TNKS: variants seen among roughly 807,000 people sequenced by gnomAD.
TNKS encodes tankyrase.
Under a neutral mutation model 135.8 loss-of-function variants are expected in TNKS, and 72 were observed. That is an observed-to-expected ratio of 0.53 (90% CI 0.44 to 0.64). TNKS has a LOEUF of 0.64. Ranked by LOEUF, TNKS falls within the 30% of genes least tolerant of loss-of-function variation. TNKS has a pLI of 0.00. For missense variants in TNKS, 1,769 were observed against 1,674.0 expected (o/e 1.06, Z -0.99); for synonymous variants, 849 against 649.3 (o/e 1.31, Z -4.68).
chr8:9,770,044 C>T (rs958731512), intron 25 of TNKS, 62 bp from the exon 26 acceptor site: 6 of 1,437,242 alleles, frequency 4.2e-6, no homozygotes, highest in South Asian at 4.0e-5. Context: ...ATAGATCTAG[C>T]AGTTATATTA....
At chr8:9,706,114 T>C in intron 6 of TNKS, 73 bp from the exon 7 acceptor site, 3 of 1,030,652 alleles carry the variant, frequency 2.9e-6, no homozygotes, top group Admixed American at 5.6e-5. Context: ...TTATTGGATT[T>C]TATTTCTTAG....
chr8:9,751,135 G>A (rs940773859), intron 18 of TNKS, among the ~76,000 whole-genome samples: 12 of 152,184 alleles, frequency 7.9e-5, no homozygotes, highest in Non-Finnish European at 1.6e-4. Context: ...TGTCTTTGGA[G>A]ACTATCTCCC....
chr8:9,566,764 G>A lies in TNKS; in HGVS notation c.673+10152G>A, dbSNP rs373130682. Among the ~76,000 whole-genome samples, 27 of 150,396 alleles carry A rather than the reference G, an allele frequency of 1.8e-4. 1 individual carries two copies. Among genetic ancestry groups the A allele is most frequent in the South Asian group, 1.1e-3 (5 of 4,732 alleles). On this transcript the variant is annotated intron_variant, in intron 1 of 26. Coordinates refer to ENST00000310430, the MANE Select transcript of TNKS (RefSeq NM_003747.3). ...GCTGGGACTACAGGCGCCCGCCACC[G>A]CGCCCGGCTAATTTTTTGTATTTTT...
chr8:9,705,983 C>G (rs1330198743), intron 6 of TNKS, among the ~76,000 whole-genome samples: 11 of 151,942 alleles, frequency 7.2e-5, no homozygotes, highest in African/African-American at 2.7e-4. Context: ...TTTTCATTAT[C>G]TTCAAGGATT....
intron 15 of TNKS, among the ~76,000 whole-genome samples, chr8:9,734,376 G>A (rs1164632320): frequency 6.6e-6 from 1 of 152,074 alleles, no homozygotes; most frequent in Non-Finnish European, 1.5e-5. Context: ...CATGATAGAT[G>A]TTAAGACTTA....
intron 22 of TNKS, among the ~76,000 whole-genome samples, chr8:9,763,574 A>G (rs1045108272): frequency 4.0e-5 from 6 of 151,506 alleles, no homozygotes; most frequent in African/African-American, 1.5e-4. Context: ...AGAATGAAAA[A>G]CTCTTGCCTC....
At chr8:9,668,685 GT>G (rs1288401553) in intron 3 of TNKS, among the ~76,000 whole-genome samples, 2 of 152,192 alleles carry the variant, frequency 1.3e-5, no homozygotes, top group Non-Finnish European at 2.9e-5. Context: ...CCATATGTTT[GT>G]GGCAAGATTT....
At chr8:9,763,267 C>G in intron 22 of TNKS, 23 bp downstream of exon 22, 3 of 1,482,948 alleles carry the variant, frequency 2.0e-6, no homozygotes, top group Non-Finnish European at 2.8e-6. Context: ...AGAAATCTTT[C>G]ATTTGCTTTT....
chr8:9,669,861 T>C (rs1207604384), intron 3 of TNKS, among the ~76,000 whole-genome samples: 3 of 152,130 alleles, frequency 2.0e-5, no homozygotes, highest in Non-Finnish European at 4.4e-5. Flanking sequence ...TTAAAGAAAA[T>C]ATTATCCAAG....
At position 9,725,465 on chromosome 8, in the gene TNKS, T is replaced by C. The variant is rs60048984; in HGVS notation, c.1922-1176T>C. 3.0e-3 allele frequency among the ~76,000 whole-genome samples: 456 copies of C among 152,356 alleles called. 1 individual carries two copies. Among genetic ancestry groups the C allele is most frequent in the African/African-American group, 0.011 (440 of 41,582 alleles). On this transcript the variant is annotated intron_variant, in intron 12 of 26. Coordinates refer to ENST00000310430, the MANE Select transcript of TNKS (RefSeq NM_003747.3). Reference sequence around the variant, plus strand: ...AAGTAGTTTATCTTTTACTGAAGAATTGTCATAACTTATTCTGTAAAAGCC... The same window carrying C: ...AAGTAGTTTATCTTTTACTGAAGAACTGTCATAACTTATTCTGTAAAAGCC...
intron 3 of TNKS, among the ~76,000 whole-genome samples, chr8:9,676,664 G>A (rs1031841556): frequency 4.2e-5 from 6 of 143,026 alleles, no homozygotes; most frequent in Non-Finnish European, 6.0e-5. Flanking sequence ...CATAAGCCTC[G>A]TATTTCTCCC....
chr8:9,663,897 C>T lies in TNKS; in HGVS notation c.995-16054C>T, dbSNP rs970905006. Among the ~76,000 whole-genome samples the T allele has an allele frequency of 2.6e-5, 4 of 152,182 alleles. No homozygotes were observed. In the East Asian group the frequency reaches 7.7e-4, roughly 29 times the overall value. On this transcript the variant is annotated intron_variant, in intron 3 of 26. Coordinates refer to ENST00000310430, the MANE Select transcript of TNKS (RefSeq NM_003747.3). ...TTCAGTAACCCAGAAACACTTTCAA[C>T]CCTGTCCCTTGGGGTTTCTCTGGAG...
intron 2 of TNKS, among the ~76,000 whole-genome samples, chr8:9,609,365 C>T (rs937886774): frequency 6.6e-6 from 1 of 152,132 alleles, no homozygotes; most frequent in Non-Finnish European, 1.5e-5. Flanking sequence ...TCGTAGACAC[C>T]CAAAGTTTCC....
chr8:9,569,669 G>A (rs1278601289), intron 1 of TNKS, among the ~76,000 whole-genome samples: 3 of 152,142 alleles, frequency 2.0e-5, no homozygotes, highest in African/African-American at 7.2e-5. Flanking sequence ...CGTCAACATT[G>A]AAAACTTTTT....
intron 3 of TNKS, among the ~76,000 whole-genome samples, chr8:9,629,583 T>C (rs1286727580): frequency 2.6e-5 from 4 of 152,244 alleles, no homozygotes; most frequent in Admixed American, 2.6e-4. Context: ...TTGGGTTCTT[T>C]TTCTACCTTT....
At chr8:9,581,389 T>G (rs1798159765) in intron 2 of TNKS, among the ~76,000 whole-genome samples, 1 of 152,182 alleles carries the variant, frequency 6.6e-6, no homozygotes, top group African/African-American at 2.4e-5. Context: ...ATCCTGTCCT[T>G]TCAGTTTTTT....
chr8:9,695,171 T>C (rs1221989683), intron 5 of TNKS, among the ~76,000 whole-genome samples: 2 of 152,204 alleles, frequency 1.3e-5, no homozygotes, highest in Admixed American at 1.3e-4. Context: ...ATGTAGTCAT[T>C]AAATTTTTGT....
chr8:9,695,525 T>G (rs1045067699), intron 5 of TNKS, among the ~76,000 whole-genome samples: 1 of 152,144 alleles, frequency 6.6e-6, no homozygotes, highest in Non-Finnish European at 1.5e-5. Flanking sequence ...CTAGAACATT[T>G]TAAACACTTC....
At chr8:9,632,721 C>G (rs993311891) in intron 3 of TNKS, among the ~76,000 whole-genome samples, 4 of 152,046 alleles carry the variant, frequency 2.6e-5, no homozygotes, top group African/African-American at 9.7e-5. Flanking sequence ...AATGATGTTA[C>G]TACTCTATAT....
Sources: allele counts gnomAD v4.1 joint callset (sites outside exome capture counted in the v4.1 genomes callset), GRCh38; gene constraint gnomAD v4.1.1; transcripts MANE v1.5; gene names NCBI Gene and HGNC (gene_info 2026-07-23, HGNC 2026-07-21).